IRAK3: variants seen among roughly 807,000 people sequenced by gnomAD.
The protein encoded by IRAK3 is interleukin 1 receptor associated kinase 3, also known as interleukin-1 receptor-associated kinase 3.
A neutral mutation model predicts 56.6 loss-of-function variants in IRAK3; 57 were observed. That is an observed-to-expected ratio of 1.01 (90% CI 0.81 to 1.26). IRAK3 has a LOEUF of 1.26. Among genes scored for constraint, IRAK3 ranks in the 50% most tolerant of loss-of-function variants. The probability of loss-of-function intolerance (pLI) is 0.00; values close to 1 mark genes in which losing one functional copy is unlikely to be tolerated. For synonymous variants in IRAK3, 258 were observed against 255.7 expected (o/e 1.01, Z -0.09); for missense variants, 703 against 719.0 (o/e 0.98, Z 0.25).
chr12:66,244,824 G>A (rs1426148438), intron 9 of IRAK3, 124 bp from the exon 10 acceptor site: 6 of 1,051,356 alleles, frequency 5.7e-6, no homozygotes, highest in Non-Finnish European at 8.7e-6. Context: ...GTGTAATCAA[G>A]CAATTAATAA....
In IRAK3 at chr12:66,253,300, G is replaced by A. The variant is rs1336416477; in HGVS notation, c.*5129G>A. 1 of 152,180 alleles carries A rather than the reference G, an allele frequency of 6.6e-6. No homozygotes were observed. The highest frequency in any genetic ancestry group is 1.5e-5 in the Non-Finnish European group (1 of 68,040). The allele number at this position is 152,180 out of a possible 1,614,324, so 9.4% of individuals were successfully genotyped here. ...ATATCTGAGATATCTTCGAAAAGAA[G>A]ATTAGTCGTTGTATGTGTTGCTTAT... On this transcript the variant is annotated 3_prime_UTR_variant, in exon 12 of 12. Coordinates refer to ENST00000261233, the MANE Select transcript of IRAK3 (RefSeq NM_007199.3).
chr12:66,218,753 G>C (rs2052702187), intron 6 of IRAK3, among the ~76,000 whole-genome samples: 1 of 152,132 alleles, frequency 6.6e-6, no homozygotes, highest in Non-Finnish European at 1.5e-5. Context: ...TACCACCCAT[G>C]CTGTACTTTA....
intron 8 of IRAK3, among the ~76,000 whole-genome samples, chr12:66,229,572 C>A (rs761299581): frequency 6.6e-6 from 1 of 152,092 alleles, no homozygotes; most frequent in Non-Finnish European, 1.5e-5. Context: ...TCTAGAGGGG[C>A]GGGGTGACCT....
At chr12:66,239,849 C>T (rs1003449323) in intron 8 of IRAK3, among the ~76,000 whole-genome samples, 1 of 152,158 alleles carries the variant, frequency 6.6e-6, no homozygotes, top group Non-Finnish European at 1.5e-5. Flanking sequence ...TACATAGATA[C>T]ATACACATAT....
intron 5 of IRAK3, among the ~76,000 whole-genome samples, chr12:66,214,128 G>A (rs1269385550): frequency 6.6e-6 from 1 of 152,188 alleles, no homozygotes. Flanking sequence ...TGATTTTTAA[G>A]TAGGAGACTG....
rs370271305 is a variant in IRAK3, at chr12:66,220,721, C to T, written c.653+3486C>T. ...ATTTTTAGTAGAGACGGGGTTTCAC[C>T]GTTTTAGCCGGGACGGTCTCGATCT... On this transcript the variant is annotated intron_variant, in intron 6 of 11. Coordinates refer to ENST00000261233, the MANE Select transcript of IRAK3 (RefSeq NM_007199.3). Among the ~76,000 whole-genome samples the T allele has an allele frequency of 4.7e-4, 72 of 151,628 alleles. 2 individuals carry two copies. In the Middle Eastern group the frequency reaches 0.027, roughly 57 times the overall value.
chr12:66,192,426 G>T (rs993888195), intron 1 of IRAK3, among the ~76,000 whole-genome samples: 1 of 152,088 alleles, frequency 6.6e-6, no homozygotes, highest in Non-Finnish European at 1.5e-5. Context: ...ACATGATAAC[G>T]TAGTACATAC....
intron 8 of IRAK3, chr12:66,235,304 G>GACGGGC: frequency 3.2e-6 from 4 of 1,234,252 alleles, no homozygotes; most frequent in Non-Finnish European, 4.1e-6. Context: ...GGGCCGCGGC[G>GACGGGC]GCGGGCGCGG....
At chr12:66,198,571 T>G (rs1266885896) in intron 1 of IRAK3, among the ~76,000 whole-genome samples, 1 of 152,230 alleles carries the variant, frequency 6.6e-6, no homozygotes, top group African/African-American at 2.4e-5. Flanking sequence ...CCCTTCAGTC[T>G]TGTTAAATTT....
chr12:66,222,676 T>C (rs751258362), intron 6 of IRAK3, among the ~76,000 whole-genome samples: 3 of 152,218 alleles, frequency 2.0e-5, no homozygotes, highest in Non-Finnish European at 4.4e-5. Flanking sequence ...ACCTATTTTT[T>C]AAAATTAGGC....
At chr12:66,236,118 A>C (rs1351352458) in intron 8 of IRAK3, among the ~76,000 whole-genome samples, 2 of 152,236 alleles carry the variant, frequency 1.3e-5, no homozygotes, top group Non-Finnish European at 2.9e-5. Context: ...TGAAAGTTGG[A>C]AAATCATTAT....
At position 66,208,170 on chromosome 12, in the gene IRAK3, T is replaced by C. The variant is rs187835865; in HGVS notation, c.317-1286T>C. 2.3e-3 allele frequency among the ~76,000 whole-genome samples: 357 copies of C among 152,286 alleles called. 2 individuals are homozygous for C. Among genetic ancestry groups the C allele is most frequent in the African/African-American group, 8.4e-3 (351 of 41,562 alleles). ...AGAAAGCTAGACTAGAAAATGAAAG[T>C]TTTCTAGTCTGAGACAAAATGTTAG... On this transcript the variant is annotated intron_variant, in intron 2 of 11. Coordinates refer to ENST00000261233, the MANE Select transcript of IRAK3 (RefSeq NM_007199.3).
intron 8 of IRAK3, among the ~76,000 whole-genome samples, chr12:66,243,287 A>G (rs1038705435): frequency 1.3e-5 from 2 of 152,226 alleles, no homozygotes; most frequent in Non-Finnish European, 2.9e-5. Context: ...CTACCTGTAT[A>G]GGGATAGCAA....
At chr12:66,235,100 T>C (rs948359888) in intron 8 of IRAK3, 21 of 1,613,526 alleles carry the variant, frequency 1.3e-5, no homozygotes, top group Non-Finnish European at 1.6e-5. Context: ...TCCTCGGATA[T>C]AGAGGTTCGT....
chr12:66,225,294 A>C (rs1476218103), intron 6 of IRAK3, among the ~76,000 whole-genome samples: 1 of 152,118 alleles, frequency 6.6e-6, no homozygotes. Flanking sequence ...ATATAGTTGG[A>C]ATCATAATAG....
At chr12:66,193,016 C>CT (rs954531289) in intron 1 of IRAK3, among the ~76,000 whole-genome samples, 129 of 151,402 alleles carry the variant, frequency 8.5e-4, no homozygotes, top group African/African-American at 2.6e-3. Context: ...TTATTATTAT[C>CT]TTTTTTTTGA....
intron 8 of IRAK3, among the ~76,000 whole-genome samples, chr12:66,238,850 G>A (rs748088901): frequency 7.9e-5 from 12 of 152,136 alleles, no homozygotes; most frequent in Non-Finnish European, 1.5e-4. Flanking sequence ...AACAAAACCT[G>A]CTTCCAGGTG....
chr12:66,242,598 T>G (rs940161410), intron 8 of IRAK3, among the ~76,000 whole-genome samples: 2 of 152,186 alleles, frequency 1.3e-5, no homozygotes, highest in African/African-American at 2.4e-5. Flanking sequence ...ATGACAACTG[T>G]GCTCATTGAT....
chr12:66,219,337 A>C (rs1347048967), intron 6 of IRAK3, among the ~76,000 whole-genome samples: 1 of 151,910 alleles, frequency 6.6e-6, no homozygotes, highest in African/African-American at 2.4e-5. Context: ...TTTCTCCCAT[A>C]CTGTTCTTGT....
Sources: gnomAD v4.1 joint callset for allele counts (sites outside exome capture counted in the v4.1 genomes callset) on GRCh38, gnomAD v4.1.1 for gene constraint, MANE v1.5 for transcripts, NCBI Gene and HGNC (gene_info 2026-07-23, HGNC 2026-07-21) for gene names.